SLC9A9: variants seen among roughly 807,000 people sequenced by gnomAD.
SLC9A9 encodes sodium/hydrogen exchanger 9.
SLC9A9 carries 62 observed loss-of-function variants against 77.8 expected under a neutral mutation model. That is an observed-to-expected ratio of 0.80 (90% CI 0.65 to 0.98). SLC9A9 has a LOEUF of 0.98. SLC9A9 is among the 50% of genes least tolerant of loss of function. The pLI, the probability that SLC9A9 is intolerant of heterozygous loss-of-function variation, is 0.00. For missense variants in SLC9A9, 775 were observed against 774.9 expected, an observed-to-expected ratio of 1.00 and a Z score of 0.00; for synonymous variants, 320 against 283.5, an observed-to-expected ratio of 1.13 and a Z score of -1.29.
intron 4 of SLC9A9, among the ~76,000 whole-genome samples, chr3:143,772,834 T>A (rs1199481760): frequency 6.6e-6 from 1 of 152,222 alleles, no homozygotes. Flanking sequence ...CAGCTCTCCA[T>A]TTCCATCTGC....
chr3:143,364,899 G>A (rs547464651), intron 13 of SLC9A9, among the ~76,000 whole-genome samples: 53 of 152,258 alleles, frequency 3.5e-4, no homozygotes, highest in Non-Finnish European at 6.3e-4. Flanking sequence ...TTCATTTGAT[G>A]TTGATGGAAA....
chr3:143,483,749 G>A (rs2035610024), intron 11 of SLC9A9, among the ~76,000 whole-genome samples: 1 of 152,080 alleles, frequency 6.6e-6, no homozygotes, highest in South Asian at 2.1e-4. Flanking sequence ...AAGGCATTAA[G>A]AAGTTGAGGG....
chr3:143,302,743 C>A (rs1477505614), intron 14 of SLC9A9, among the ~76,000 whole-genome samples: 1 of 152,134 alleles, frequency 6.6e-6, no homozygotes, highest in Non-Finnish European at 1.5e-5. Flanking sequence ...AGAATGACTG[C>A]GTTTGACGAG....
At chr3:143,485,924 T>C (rs1576529276) in intron 11 of SLC9A9, among the ~76,000 whole-genome samples, 1 of 151,704 alleles carries the variant, frequency 6.6e-6, no homozygotes, top group Non-Finnish European at 1.5e-5. Flanking sequence ...GAGAGAGACA[T>C]GAATATAAAC....
At chr3:143,530,340 G>A (rs2036483731) in intron 9 of SLC9A9, among the ~76,000 whole-genome samples, 1 of 152,090 alleles carries the variant, frequency 6.6e-6, no homozygotes, top group Admixed American at 6.5e-5. Context: ...TCCTGGTAGT[G>A]AATAAGTCTC....
chr3:143,798,646 C>T lies in SLC9A9; in HGVS notation c.379-1743G>A, dbSNP rs377466024. On this transcript the variant is annotated intron_variant, in intron 2 of 15. Coordinates refer to ENST00000316549, the MANE Select transcript of SLC9A9 (RefSeq NM_173653.4). ...ACACCACTTGACCCCAGTAGAAACT[C>T]GACAGTGGTTCCAAACAGCCAGAAA... is the stretch of plus-strand genomic sequence containing the variant. Among the ~76,000 whole-genome samples the T allele has an allele frequency of 2.6e-4, 40 of 152,268 alleles. 5 individuals are homozygous for T. The highest frequency in any genetic ancestry group is 1.2e-3 in the Admixed American group (19 of 15,300).
At chr3:143,470,457 G>A (rs1420728071) in intron 11 of SLC9A9, among the ~76,000 whole-genome samples, 1 of 145,886 alleles carries the variant, frequency 6.9e-6, no homozygotes, top group Non-Finnish European at 1.5e-5. Flanking sequence ...TCCAGCCTGG[G>A]CAACAAGAGC....
rs961949822 is a variant in SLC9A9, at chr3:143,578,865, AG to A, written c.756-143del. ...AGAGTTAGGGGAAAACAGATACAGA[AG>A]GGGAGAGTTGGAGAATGCAGAAATC... On this transcript the variant is annotated intron_variant, in intron 6 of 15. Coordinates refer to ENST00000316549, the MANE Select transcript of SLC9A9 (RefSeq NM_173653.4). The A allele has an allele frequency of 4.1e-6, 4 of 973,864 alleles. No homozygotes were observed. In the African/African-American group the frequency reaches 6.4e-5, roughly 16 times the overall value. 60.3% of individuals were successfully genotyped at this position (973,864 alleles called of 1,614,324 possible).
At chr3:143,523,855 T>C (rs1200567563) in intron 9 of SLC9A9, among the ~76,000 whole-genome samples, 2 of 152,174 alleles carry the variant, frequency 1.3e-5, no homozygotes, top group African/African-American at 4.8e-5. Flanking sequence ...AAAATACTGA[T>C]GGTAAATATA....
chr3:143,716,802 AAG>A (rs1934363397), intron 4 of SLC9A9, among the ~76,000 whole-genome samples: 1 of 152,218 alleles, frequency 6.6e-6, no homozygotes, highest in South Asian at 2.1e-4. Context: ...GGAAAGAAAA[AAG>A]AGACAATTCC....
At chr3:143,435,506 A>G (rs1323388005) in intron 12 of SLC9A9, among the ~76,000 whole-genome samples, 3 of 152,240 alleles carry the variant, frequency 2.0e-5, no homozygotes, top group Non-Finnish European at 4.4e-5. Context: ...TTCTATGGCA[A>G]ACTTTACTAT....
At chr3:143,545,216 A>T (rs2036766487) in intron 9 of SLC9A9, among the ~76,000 whole-genome samples, 1 of 152,118 alleles carries the variant, frequency 6.6e-6, no homozygotes, top group Non-Finnish European at 1.5e-5. Flanking sequence ...TCTGCGTGAC[A>T]ATATCCTAAT....
chr3:143,436,212 C>T (rs2034619252), intron 12 of SLC9A9, among the ~76,000 whole-genome samples: 1 of 152,186 alleles, frequency 6.6e-6, no homozygotes, highest in South Asian at 2.1e-4. Flanking sequence ...CCACATGCGA[C>T]CTCGTCTTGC....
intron 9 of SLC9A9, among the ~76,000 whole-genome samples, chr3:143,524,072 T>C (rs1037150843): frequency 2.6e-5 from 4 of 151,668 alleles, no homozygotes; most frequent in Non-Finnish European, 4.4e-5. Flanking sequence ...GACCAGAATG[T>C]AGAAGGAAGA....
intron 14 of SLC9A9, among the ~76,000 whole-genome samples, chr3:143,294,686 T>C (rs2030167865): frequency 1.3e-5 from 2 of 152,172 alleles, no homozygotes; most frequent in Non-Finnish European, 2.9e-5. Context: ...CTTCTAATAA[T>C]TGCCCCTTTT....
At chr3:143,717,381 C>A (rs1199308597) in intron 4 of SLC9A9, among the ~76,000 whole-genome samples, 1 of 152,190 alleles carries the variant, frequency 6.6e-6, no homozygotes, top group Non-Finnish European at 1.5e-5. Flanking sequence ...AATTCCTCAG[C>A]TACCATAGAA....
intron 6 of SLC9A9, among the ~76,000 whole-genome samples, chr3:143,635,862 C>A (rs1322590616): frequency 6.6e-6 from 1 of 152,200 alleles, no homozygotes; most frequent in African/African-American, 2.4e-5. Context: ...ATACTTCATA[C>A]TTAAATATTT....
chr3:143,753,220 T>G (rs1355952607), intron 4 of SLC9A9, among the ~76,000 whole-genome samples: 3 of 152,212 alleles, frequency 2.0e-5, no homozygotes, highest in Non-Finnish European at 4.4e-5. Context: ...TTTATGACCT[T>G]TGGACAGCTT....
chr3:143,335,101 T>C (rs1047134920), intron 14 of SLC9A9, among the ~76,000 whole-genome samples: 1 of 152,074 alleles, frequency 6.6e-6, no homozygotes, highest in African/African-American at 2.4e-5. Flanking sequence ...TCAGAAAACC[T>C]GCAGGATTCA....
Sources: gnomAD v4.1 joint callset for allele counts (sites outside exome capture counted in the v4.1 genomes callset) on GRCh38, gnomAD v4.1.1 for gene constraint, MANE v1.5 for transcripts, NCBI Gene and HGNC (gene_info 2026-07-23, HGNC 2026-07-21) for gene names.